CDC25A: variants seen among roughly 807,000 people sequenced by gnomAD.
CDC25A encodes the protein M-phase inducer phosphatase 1.
A neutral mutation model predicts 64.6 loss-of-function variants in CDC25A; 17 were observed. The observed-to-expected ratio is 0.26, with a 90% CI of 0.18 to 0.39. CDC25A has a LOEUF of 0.39. CDC25A is among the 10% of genes least tolerant of loss of function. The pLI is 1.00. For missense variants in CDC25A, 473 were observed against 654.8 expected (o/e 0.72, Z 3.03); for synonymous variants, 229 against 238.6 (o/e 0.96, Z 0.37).
chr3:48,172,327 T>C (rs1055621622), intron 9 of CDC25A, among the ~76,000 whole-genome samples: 4 of 152,208 alleles, frequency 2.6e-5, no homozygotes, highest in Non-Finnish European at 5.9e-5. Flanking sequence ...ATGCTAAATG[T>C]TTTCCTAGCT....
In CDC25A at chr3:48,158,817, G is replaced by T; in HGVS notation, c.*128C>A. 2 of 1,168,162 alleles carry T rather than the reference G, an allele frequency of 1.7e-6. No individual in the cohort carries two copies. The highest frequency in any genetic ancestry group is 1.5e-5 in the African/African-American group (1 of 65,452). 72.4% of individuals were successfully genotyped at this position (1,168,162 alleles called of 1,614,324 possible). On this transcript the variant is annotated 3_prime_UTR_variant, in exon 15 of 15. Transcript: ENST00000302506. ...TGGGAGTGTGGGAGGTAGGTTTAAG[G>T]CATGGAAGTCCCAGGCCCCCTCTCC...
At position 48,167,829 on chromosome 3, in the gene CDC25A, G is replaced by C. The variant is rs1021909212; in HGVS notation, c.1029+17C>G. 7.5e-7 allele frequency: 1 copy of C among 1,334,180 alleles called. No homozygotes were observed. The highest frequency in any genetic ancestry group is 1.1e-6 in the Non-Finnish European group (1 of 924,990). 82.6% of individuals were successfully genotyped at this position (1,334,180 alleles called of 1,614,324 possible). On this transcript the variant is annotated intron_variant, in intron 10 of 14. Transcript: ENST00000302506. ...ACTCCCTCCTACACTTGCCAGAGCA[G>C]CTCTGCTTGCAATTACCTTGGAGAA...
intron 13 of CDC25A, 36 bp downstream of exon 13, chr3:48,164,271 C>A: frequency 6.8e-7 from 1 of 1,472,808 alleles, no homozygotes; most frequent in Non-Finnish European, 9.0e-7. Flanking sequence ...CATCATGGAG[C>A]CTGTGCCCCA....
intron 13 of CDC25A, among the ~76,000 whole-genome samples, chr3:48,160,444 T>C (rs2031706582): frequency 6.9e-6 from 1 of 144,060 alleles, no homozygotes; most frequent in Non-Finnish European, 1.5e-5. Context: ...GGAGTCTCAC[T>C]CTGTCGCCCA....
chr3:48,168,796 G>GT (rs1462401945), intron 9 of CDC25A, among the ~76,000 whole-genome samples: 3 of 151,774 alleles, frequency 2.0e-5, no homozygotes, highest in African/African-American at 7.3e-5. Context: ...GAGACTATAG[G>GT]TGTGCGCCAC....
At chr3:48,171,549 T>C (rs2032271468) in intron 9 of CDC25A, among the ~76,000 whole-genome samples, 1 of 151,510 alleles carries the variant, frequency 6.6e-6, no homozygotes, top group Non-Finnish European at 1.5e-5. Context: ...CCCAGCTATT[T>C]TTTGTATTTT....
At chr3:48,177,297 T>C in intron 8 of CDC25A, 74 bp downstream of exon 8, 2 of 1,135,178 alleles carry the variant, frequency 1.8e-6, no homozygotes. Context: ...TCTTTGGCTA[T>C]ACTCAACTAA....
intron 6 of CDC25A, 144 bp from the exon 7 acceptor site, chr3:48,178,132 A>C (rs1362539929): frequency 1.4e-5 from 10 of 699,626 alleles, no homozygotes; most frequent in Non-Finnish European, 2.2e-5. Context: ...GATTATATGA[A>C]AATGTATCCC....
chr3:48,187,711 G>T (rs905966890), intron 1 of CDC25A, 67 bp downstream of exon 1: 22 of 1,446,146 alleles, frequency 1.5e-5, no homozygotes, highest in African/African-American at 3.0e-5. Flanking sequence ...CCGTTTCCTG[G>T]CCTGATCTCT....
At chr3:48,187,510 G>A (rs1377767092) in intron 1 of CDC25A, among the ~76,000 whole-genome samples, 1 of 152,258 alleles carries the variant, frequency 6.6e-6, no homozygotes, top group African/African-American at 2.4e-5. Context: ...GGAGAGTACG[G>A]AGCAATCCGA....
intron 9 of CDC25A, among the ~76,000 whole-genome samples, chr3:48,173,638 A>T (rs1012284954): frequency 6.6e-6 from 1 of 152,204 alleles, no homozygotes; most frequent in Non-Finnish European, 1.5e-5. Flanking sequence ...GGATGGAATG[A>T]ACTTCCACTC....
chr3:48,166,507 C>T lies in CDC25A; in HGVS notation c.1030-614G>A, dbSNP rs3731544. Among the ~76,000 whole-genome samples the T allele has an allele frequency of 5.3e-5, 8 of 152,272 alleles. No homozygotes were observed. The East Asian group carries it at 7.7e-4, about 15-fold the overall frequency. On this transcript the variant is annotated intron_variant, in intron 10 of 14. Transcript: ENST00000302506. ...CTCCTGCTTTTGTCAAGAATCCACA[C>T]GTCAGTAGTTAGACTGCGAATAGCA... is the stretch of plus-strand genomic sequence containing the variant.
At chr3:48,176,866 G>T (rs1339232371) in intron 8 of CDC25A, among the ~76,000 whole-genome samples, 2 of 151,632 alleles carry the variant, frequency 1.3e-5, no homozygotes, top group African/African-American at 4.8e-5. Flanking sequence ...AGCTACTCGG[G>T]AGGCTGAGGC....
chr3:48,186,805 A>C, intron 1 of CDC25A, 26 bp from the exon 2 acceptor site: 3 of 1,425,484 alleles, frequency 2.1e-6, no homozygotes, highest in Non-Finnish European at 2.9e-6. Context: ...ATAAACCATG[A>C]ATGATTTATA....
At chr3:48,173,805 C>T (rs2032356571) in intron 9 of CDC25A, among the ~76,000 whole-genome samples, 1 of 152,102 alleles carries the variant, frequency 6.6e-6, no homozygotes, top group Non-Finnish European at 1.5e-5. Flanking sequence ...ATACAGGAGA[C>T]AATGGAAGAA....
chr3:48,171,453 T>C (rs1271036874), intron 9 of CDC25A, among the ~76,000 whole-genome samples: 2 of 150,474 alleles, frequency 1.3e-5, no homozygotes, highest in Non-Finnish European at 3.0e-5. Flanking sequence ...TGATCTCTGC[T>C]CACTGCAACC....
intron 13 of CDC25A, among the ~76,000 whole-genome samples, chr3:48,160,359 T>C (rs1385997495): frequency 1.3e-5 from 2 of 151,476 alleles, no homozygotes; most frequent in African/African-American, 4.9e-5. Context: ...TCCACCTGCC[T>C]TGGCCTCCCA....
intron 9 of CDC25A, among the ~76,000 whole-genome samples, chr3:48,171,818 T>C (rs974103195): frequency 2.6e-5 from 4 of 152,196 alleles, no homozygotes; most frequent in African/African-American, 9.6e-5. Flanking sequence ...ATTCTAAATG[T>C]CCAGAAGGTG....
chr3:48,167,916 G>T lies in CDC25A; in HGVS notation c.959C>A (p.Ser320Tyr), dbSNP rs1575262569. The T allele has an allele frequency of 6.2e-7, 1 of 1,608,788 alleles. No homozygotes were observed. Among genetic ancestry groups the T allele is most frequent in the Non-Finnish European group, 8.5e-7 (1 of 1,175,224 alleles). ...ETLHQSLSLA[S>Y]SPKGTIENIL... ...GTTCTCAATGGTTCCTTTGGGGGAA[G>T]ATGCCAGGGATAAAGACTGATGAAG... The change falls in exon 10 of 15, where the codon TCT becomes TAT. Residue 320 changes from serine (S) to tyrosine (Y), a missense_variant. This residue lies in a region of CDC25A where 376 missense variants were observed against 431.9 expected (regional missense o/e 0.87). Coordinates refer to ENST00000302506, the MANE Select transcript of CDC25A (RefSeq NM_001789.3).
Sources: gnomAD v4.1 joint callset for allele counts (sites outside exome capture counted in the v4.1 genomes callset) on GRCh38, gnomAD v4.1.1 for gene constraint, gnomAD v4.1.1 regional missense constraint, MANE v1.5 for transcripts, NCBI Gene and HGNC (gene_info 2026-07-23, HGNC 2026-07-21) for gene names.